GPSM1: variants seen among roughly 807,000 people sequenced by gnomAD.
GPSM1 encodes the protein G protein-signaling modulator 1.
GPSM1 carries 48 observed loss-of-function variants against 70.5 expected under a neutral mutation model. The ratio of observed to expected loss-of-function variants is 0.68; its 90% CI spans 0.54 to 0.87. The LOEUF (loss-of-function observed/expected upper bound fraction) is 0.87. Ranked by LOEUF, GPSM1 falls within the 40% of genes least tolerant of loss-of-function variation. The pLI is 0.00. For synonymous variants in GPSM1, 416 were observed against 430.1 expected (o/e 0.97, Z 0.41); for missense variants, 981 against 972.6 (o/e 1.01, Z -0.11).
chr9:136,334,625 G>T lies in GPSM1; in HGVS notation c.247G>T (p.Gly83Cys). 6.2e-7 allele frequency: 1 copy of T among 1,612,810 alleles called. No homozygotes were observed. Among genetic ancestry groups the T allele is most frequent in the Non-Finnish European group, 8.5e-7 (1 of 1,179,966 alleles). The change falls in exon 2 of 14, where the codon GGC becomes TGC. Residue 83 changes from glycine to cysteine, a missense_variant. Gly to Cys is a radical substitution (Grantham distance 159, BLOSUM62 -3). Coordinates refer to ENST00000440944, the MANE Select transcript of GPSM1 (RefSeq NM_001145638.3). ...GNAYFYLKEHGRALEYHKHDL... is the reference protein window; with the variant it reads ...GNAYFYLKEHCRALEYHKHDL... Reference sequence around the variant, plus strand: ...CGCCTACTTCTACCTGAAGGAGCACGGCCGGGCGCTGGAATACCACAAGCA... The same window carrying T: ...CGCCTACTTCTACCTGAAGGAGCACTGCCGGGCGCTGGAATACCACAAGCA...
chr9:136,348,478 C>T (rs1042962510), intron 9 of GPSM1, among the ~76,000 whole-genome samples: 1 of 152,218 alleles, frequency 6.6e-6, no homozygotes, highest in Admixed American at 6.5e-5. Context: ...TGGCCCCAGC[C>T]AGGACGCGCT....
At position 136,337,400 on chromosome 9, in the gene GPSM1, T is replaced by C. The variant is rs781879235; in HGVS notation, c.579-41T>C. On this transcript the variant is annotated intron_variant, in intron 4 of 13. Transcript: ENST00000440944. ...TTCTAGCCTGGGGTGGGTGAGGACA[T>C]GGGCTGGGAGGGACACGGCTCAGAG... 2.6e-6 allele frequency: 4 copies of C among 1,558,670 alleles called. No individual in the cohort carries two copies. In the East Asian group the frequency reaches 9.4e-5, roughly 37 times the overall value.
chr9:136,328,197 G>A (rs1368645878), intron 1 of GPSM1, among the ~76,000 whole-genome samples: 1 of 152,232 alleles, frequency 6.6e-6, no homozygotes, highest in Non-Finnish European at 1.5e-5. Flanking sequence ...GGGTTGGAAG[G>A]GAGCCAGCCA....
At position 136,334,718 on chromosome 9, in the gene GPSM1, G is replaced by A. The variant is rs144784694; in HGVS notation, c.290+50G>A. ...GGGTGAGTGGGGCGGCCCTGCTGGCGCGGTGAGTGGGGACGGCCCTGCTGG... is the reference window on the plus strand; with the variant it reads ...GGGTGAGTGGGGCGGCCCTGCTGGCACGGTGAGTGGGGACGGCCCTGCTGG... On this transcript the variant is annotated intron_variant, in intron 2 of 13. Coordinates refer to ENST00000440944, the MANE Select transcript of GPSM1 (RefSeq NM_001145638.3). The A allele has an allele frequency of 1.3e-3, 1,922 of 1,478,002 alleles. 49 individuals carry two copies. In the East Asian group the frequency reaches 0.038, roughly 30 times the overall value. The allele number at this position is 1,478,002 out of a possible 1,614,324, so 91.6% of individuals were successfully genotyped here.
intron 4 of GPSM1, 107 bp from the exon 5 acceptor site, chr9:136,337,333 AG>A (rs1166539674): frequency 1.4e-6 from 2 of 1,475,282 alleles, no homozygotes; most frequent in Non-Finnish European, 1.8e-6. Context: ...CCCTCTTTCC[AG>A]GGCATGGCCC....
intron 11 of GPSM1, among the ~76,000 whole-genome samples, chr9:136,351,310 G>C (rs1332658137): frequency 6.6e-6 from 1 of 151,922 alleles, no homozygotes; most frequent in Non-Finnish European, 1.5e-5. Context: ...AGGCCTTCCC[G>C]GGGGTCCCGG....
At position 136,336,948 on chromosome 9, in the gene GPSM1, A is replaced by T; in HGVS notation, c.454A>T (p.Ile152Phe). The T allele has an allele frequency of 6.4e-7, 1 of 1,557,544 alleles. No individual in the cohort carries two copies. The highest frequency in any genetic ancestry group is 8.7e-7 in the Non-Finnish European group (1 of 1,151,342). Residue 152 changes from isoleucine (I) to phenylalanine (F), a missense_variant, in exon 4 of 14, where the codon ATC (isoleucine) becomes TTC (phenylalanine). Transcript: ENST00000440944. Reference sequence around the variant, plus strand: ...TGGGGAGGCGAGGGCCCTCTACAACATCGGGAACGTGTACCACGCCAAAGG... The same window carrying T: ...TGGGGAGGCGAGGGCCCTCTACAACTTCGGGAACGTGTACCACGCCAAAGG... ...KVGEARALYNIGNVYHAKGKQ... is the reference protein window; with the variant it reads ...KVGEARALYNFGNVYHAKGKQ...
intron 3 of GPSM1, among the ~76,000 whole-genome samples, 171 bp from the exon 4 acceptor site, chr9:136,336,750 C>T (rs1476733911): frequency 3.9e-5 from 6 of 152,120 alleles, no homozygotes; most frequent in Admixed American, 1.3e-4. Context: ...GCTGGCTTCC[C>T]GGGTGTGCCG....
Position 136,340,437 on chromosome 9 carries a change from C to G in GPSM1, c.1084-433C>G, listed in dbSNP as rs782590995. ...TCCAGGGCTCCATGTGGCCCTCCCCCCAACCCCATGCCACCTCTCTTCTGC... is the reference window on the plus strand; with the variant it reads ...TCCAGGGCTCCATGTGGCCCTCCCCGCAACCCCATGCCACCTCTCTTCTGC... On this transcript the variant is annotated intron_variant, in intron 8 of 13. Transcript: ENST00000440944. The surrounding 1 kb of genome is among the most constrained non-coding windows in gnomAD (Gnocchi z 7.3). Among the ~76,000 whole-genome samples, 7 of 151,994 alleles carry G rather than the reference C, an allele frequency of 4.6e-5. No individual in the cohort carries two copies. Among genetic ancestry groups the G allele is most frequent in the African/African-American group, 1.5e-4 (6 of 41,362 alleles).
In GPSM1 at chr9:136,343,127, A is replaced by G. The variant is rs1331835345; in HGVS notation, c.1207+2134A>G. 3.3e-5 allele frequency among the ~76,000 whole-genome samples: 5 copies of G among 151,884 alleles called. No individual in the cohort carries two copies. Among genetic ancestry groups the G allele is most frequent in the Non-Finnish European group, 7.4e-5 (5 of 67,952 alleles). On this transcript the variant is annotated intron_variant, in intron 9 of 13. Transcript: ENST00000440944. This position sits in a 1 kb window ranked among gnomAD's most constrained non-coding sequence, Gnocchi z 6.0. Reference sequence around the variant, plus strand: ...CCCAGAAGTGTGTCTGGGGGTCACCACCCTGCCAGCCACTGCCCTTGTCCA... The same window carrying G: ...CCCAGAAGTGTGTCTGGGGGTCACCGCCCTGCCAGCCACTGCCCTTGTCCA...
At position 136,340,159 on chromosome 9, in the gene GPSM1, T is replaced by G. The variant is rs566829914; in HGVS notation, c.1083+344T>G. On this transcript the variant is annotated intron_variant, in intron 8 of 13. Coordinates refer to ENST00000440944, the MANE Select transcript of GPSM1 (RefSeq NM_001145638.3). The surrounding 1 kb of genome is among the most constrained non-coding windows in gnomAD (Gnocchi z 7.3). Reference sequence around the variant, plus strand: ...GGCCTCCCGGCTCCCGGCCTGTCCTTACATCACCCACTCCCACGCCACCTC... The same window carrying G: ...GGCCTCCCGGCTCCCGGCCTGTCCTGACATCACCCACTCCCACGCCACCTC... 6.6e-6 allele frequency among the ~76,000 whole-genome samples: 1 copy of G among 152,176 alleles called. No homozygotes were observed. Among genetic ancestry groups the G allele is most frequent in the East Asian group, 1.9e-4 (1 of 5,182 alleles).
At chr9:136,349,559 G>T in intron 10 of GPSM1, 28 bp from the exon 11 acceptor site, 1 of 1,542,118 alleles carries the variant, frequency 6.5e-7, no homozygotes, top group Non-Finnish European at 8.8e-7. Context: ...CAATTGCCCA[G>T]GCCACGCACA....
chr9:136,355,936 CG>C, intron 12 of GPSM1, 90 bp downstream of exon 12: 1 of 1,119,616 alleles, frequency 8.9e-7, no homozygotes, highest in Non-Finnish European at 1.3e-6. Flanking sequence ...GAGGAGTTTT[CG>C]GGGGCAGACC....
intron 11 of GPSM1, among the ~76,000 whole-genome samples, chr9:136,351,786 G>A (rs1408222388): frequency 8.5e-5 from 13 of 152,254 alleles, no homozygotes; most frequent in African/African-American, 3.1e-4. Flanking sequence ...GGTTCCCAGG[G>A]TCTGTGAGGA....
Position 136,339,800 on chromosome 9 carries a change from G to A in GPSM1, c.1068G>A (p.Leu356=). Residue 356 remains leucine (L), a synonymous_variant, in exon 8 of 14, where the codon CTG becomes CTA. Transcript: ENST00000440944. ...AQALTFAKKH[L]QISQEIGDRH... The stretch of plus-strand genomic sequence containing the variant: ...CCCTGACCTTCGCCAAGAAGCACCT[G>A]CAGATCTCCCAGGAGGTGAGCCAGG... 1 of 1,543,696 alleles carries A rather than the reference G, an allele frequency of 6.5e-7. No homozygotes were observed. The highest frequency in any genetic ancestry group is 8.8e-7 in the Non-Finnish European group (1 of 1,142,494).
chr9:136,332,068 G>C, intron 1 of GPSM1: 1 of 399,128 alleles, frequency 2.5e-6, no homozygotes, highest in Non-Finnish European at 4.4e-6. Flanking sequence ...AAGGCCGTGT[G>C]CAAGGTGGTG....
rs1554770158 is a variant in GPSM1, at chr9:136,340,990, C to A, written c.1204C>A (p.Gln402Lys). ...GCCTGACCTGGCCGGCTATGAGGCC[C>A]AGGGTGAGTTCCAGGGTTGTGGGGG... ...EKPDLAGYEA[Q>K]GARPKRTQRL... Residue 402 changes from glutamine to lysine, a missense_variant, in exon 9 of 14, where the codon CAG (glutamine) becomes AAG (lysine). Transcript: ENST00000440944. This position sits in a 1 kb window ranked among gnomAD's most constrained non-coding sequence, Gnocchi z 7.3. 6.4e-7 allele frequency: 1 copy of A among 1,566,934 alleles called. No individual in the cohort carries two copies. Among genetic ancestry groups the A allele is most frequent in the East Asian group, 2.4e-5 (1 of 42,246 alleles).
At position 136,327,781 on chromosome 9, in the gene GPSM1, CGGGGCCGGGGCCGGGGCT is replaced by C. The variant is rs1832009050; in HGVS notation, c.68+22_68+39del. On this transcript the variant is annotated intron_variant, in intron 1 of 13. Transcript: ENST00000440944. ...TACTCCAGGTAGGACGGGCCGGGGCCGGGGCCGGGGCCGGGGCTGGGACCGGACCGGGCCGGGTCGGGA... is the reference window on the plus strand; with the variant it reads ...TACTCCAGGTAGGACGGGCCGGGGCCGGGACCGGACCGGGCCGGGTCGGGA... The C allele has an allele frequency of 1.9e-6, 2 of 1,038,290 alleles. No homozygotes were observed. The highest frequency in any genetic ancestry group is 2.4e-6 in the Non-Finnish European group (2 of 825,624). 64.3% of individuals were successfully genotyped at this position (1,038,290 alleles called of 1,614,324 possible).
intron 1 of GPSM1, chr9:136,331,850 G>T (rs966119074): frequency 2.3e-5 from 9 of 395,250 alleles, no homozygotes; most frequent in African/African-American, 1.9e-4. Flanking sequence ...GGAGGCCCCC[G>T]AGCACCTGCT....
Sources: gnomAD v4.1 joint callset for allele counts (sites outside exome capture counted in the v4.1 genomes callset) on GRCh38, gnomAD v4.1.1 for gene constraint, Gnocchi (gnomAD v3.1) non-coding constraint, MANE v1.5 for transcripts, NCBI Gene and HGNC (gene_info 2026-07-23, HGNC 2026-07-21) for gene names.